SIPA1L1: variants seen among roughly 807,000 people sequenced by gnomAD.
The protein encoded by SIPA1L1 is signal induced proliferation associated 1 like 1.
SIPA1L1 carries 26 observed loss-of-function variants against 162.7 expected under a neutral mutation model. That is an observed-to-expected ratio of 0.16 (90% CI 0.12 to 0.22). The LOEUF is 0.22. Among genes scored for constraint, SIPA1L1 ranks in the 10% least tolerant of loss-of-function variants. The probability of loss-of-function intolerance (pLI) is 1.00; values close to 1 mark genes in which losing one functional copy is unlikely to be tolerated. For synonymous variants in SIPA1L1, 829 were observed against 837.4 expected, an observed-to-expected ratio of 0.99 and a Z score of 0.17; for missense variants, 1,874 against 2,241.0, an observed-to-expected ratio of 0.84 and a Z score of 3.31.
At chr14:71,543,821 G>A (rs1369409338) in intron 4 of SIPA1L1, among the ~76,000 whole-genome samples, 1 of 145,444 alleles carries the variant, frequency 6.9e-6, no homozygotes, top group African/African-American at 2.5e-5. Context: ...ATATGTATGT[G>A]TATATATACA....
At position 71,406,437 on chromosome 14, in the gene SIPA1L1, TG is replaced by T. The variant is rs569131261; in HGVS notation, c.-465+85260del. 7.9e-4 allele frequency among the ~76,000 whole-genome samples: 121 copies of T among 152,278 alleles called. 1 individual carries two copies. Among genetic ancestry groups the T allele is most frequent in the African/African-American group, 2.8e-3 (116 of 41,564 alleles). The stretch of plus-strand genomic sequence containing the variant: ...AAGAATAAGAATAATTTTTATGACT[TG>T]GGGTCAAAGAACCATTGGGATGTGC... On this transcript the variant is annotated intron_variant, in intron 2 of 23. Transcript: ENST00000381232.
chr14:71,522,129 TCTTA>T (rs1326258320), intron 3 of SIPA1L1, among the ~76,000 whole-genome samples: 1 of 152,236 alleles, frequency 6.6e-6, no homozygotes, highest in African/African-American at 2.4e-5. Flanking sequence ...TAGTTCTCTC[TCTTA>T]GTTTATTGAA....
intron 2 of SIPA1L1, among the ~76,000 whole-genome samples, chr14:71,364,096 T>G (rs2038058780): frequency 1.3e-5 from 2 of 152,202 alleles, no homozygotes; most frequent in Non-Finnish European, 1.5e-5. Flanking sequence ...GTATTAGAAG[T>G]ATTAAAATGG....
At chr14:71,544,176 CGTGTGTGTATATATACATATGCAT>C (rs1160361746) in intron 4 of SIPA1L1, among the ~76,000 whole-genome samples, 5 of 150,040 alleles carry the variant, frequency 3.3e-5, no homozygotes, top group Admixed American at 2.0e-4. Flanking sequence ...CATATATGCA[CGTGTGTGTATATATACATATGCAT>C]GTATGCACAT....
intron 2 of SIPA1L1, among the ~76,000 whole-genome samples, chr14:71,487,801 T>G (rs1273212250): frequency 6.6e-6 from 1 of 152,220 alleles, no homozygotes; most frequent in African/African-American, 2.4e-5. Flanking sequence ...CTATAATTAT[T>G]TGTCATTGGA....
At chr14:71,436,255 A>G (rs1393395942) in intron 2 of SIPA1L1, among the ~76,000 whole-genome samples, 5 of 152,016 alleles carry the variant, frequency 3.3e-5, no homozygotes, top group Non-Finnish European at 7.4e-5. Context: ...GTTTATGGTA[A>G]TTTTTGCTAT....
chr14:71,444,433 C>T (rs1320377535), intron 2 of SIPA1L1, among the ~76,000 whole-genome samples: 2 of 152,142 alleles, frequency 1.3e-5, no homozygotes, highest in Non-Finnish European at 2.9e-5. Flanking sequence ...GAAATCAGAG[C>T]AACTTCAGAA....
intron 17 of SIPA1L1, among the ~76,000 whole-genome samples, chr14:71,720,428 A>G (rs2083618458): frequency 6.6e-6 from 1 of 152,100 alleles, no homozygotes; most frequent in Admixed American, 6.6e-5. Flanking sequence ...TAAAAATACA[A>G]AAATTAGCTG....
At chr14:71,333,900 G>A (rs1421569305) in intron 2 of SIPA1L1, among the ~76,000 whole-genome samples, 2 of 152,206 alleles carry the variant, frequency 1.3e-5, no homozygotes, top group African/African-American at 4.8e-5. Context: ...GTGATGAGAA[G>A]TGAGTGGTTT....
At chr14:71,479,825 A>G (rs1167090287) in intron 2 of SIPA1L1, among the ~76,000 whole-genome samples, 2 of 151,100 alleles carry the variant, frequency 1.3e-5, no homozygotes, top group South Asian at 2.1e-4. Context: ...CTCCCATACT[A>G]AAGGTATCCT....
rs558730678 is a variant in SIPA1L1 at position 71,739,059 on chromosome 14, C to T, written c.5250C>T (p.His1750=). The T allele has an allele frequency of 1.5e-5, 25 of 1,614,096 alleles. No homozygotes were observed. The African/African-American group carries it at 2.5e-4, about 16-fold the overall frequency. The change falls in exon 24 of 24, where the codon CAC becomes CAT. Residue 1750 remains histidine (H), a synonymous_variant. Coordinates refer to ENST00000381232, the MANE Select transcript of SIPA1L1 (RefSeq NM_001386936.1). ...CTCACCTTCAGGCGGAGGTGCAGCA[C>T]CTGCGAGAGGACAACCTGAGGCTAC... ...DKAHLQAEVQ[H]LREDNLRLQE...
At chr14:71,432,721 T>C (rs2044087455) in intron 2 of SIPA1L1, among the ~76,000 whole-genome samples, 1 of 152,198 alleles carries the variant, frequency 6.6e-6, no homozygotes, top group Non-Finnish European at 1.5e-5. Context: ...TTTTGGGGTA[T>C]TGTTTTCTGC....
chr14:71,662,618 C>T (rs1429275577), intron 10 of SIPA1L1, among the ~76,000 whole-genome samples: 1 of 152,172 alleles, frequency 6.6e-6, no homozygotes. Flanking sequence ...TGCCGCCTCT[C>T]TTACATGCTG....
Position 71,711,853 on chromosome 14 carries a change from A to T in SIPA1L1, c.4208+2189A>T, listed in dbSNP as rs187894622. Among the ~76,000 whole-genome samples, 53 of 152,362 alleles carry T rather than the reference A, an allele frequency of 3.5e-4. No individual in the cohort carries two copies. In the East Asian group the frequency reaches 5.8e-3, roughly 17 times the overall value. On this transcript the variant is annotated intron_variant, in intron 17 of 23. Transcript: ENST00000381232. ...TTGAAAGTCAAACTTACTAGAGAAG[A>T]GAAGAATGTGGCCATTCAGGGAGGG...
chr14:71,352,886 C>A (rs1011642724), intron 2 of SIPA1L1, among the ~76,000 whole-genome samples: 6 of 152,140 alleles, frequency 3.9e-5, no homozygotes, highest in African/African-American at 1.4e-4. Context: ...TTTAGCTGTT[C>A]CGGTAGTTGT....
chr14:71,387,593 G>A (rs1362000314), intron 2 of SIPA1L1, among the ~76,000 whole-genome samples: 1 of 152,130 alleles, frequency 6.6e-6, no homozygotes, highest in African/African-American at 2.4e-5. Context: ...ATAACAGAAG[G>A]CACATAAAAA....
chr14:71,675,930 T>C (rs531908208), intron 12 of SIPA1L1, among the ~76,000 whole-genome samples: 2 of 152,190 alleles, frequency 1.3e-5, no homozygotes, highest in East Asian at 3.9e-4. Flanking sequence ...ATTTTGAAAA[T>C]GCAGCTTTTA....
intron 10 of SIPA1L1, among the ~76,000 whole-genome samples, chr14:71,662,529 A>G (rs2043618034): frequency 6.6e-6 from 1 of 152,218 alleles, no homozygotes; most frequent in African/African-American, 2.4e-5. Context: ...GCCTCAGGTT[A>G]GCTGGCTAGT....
intron 2 of SIPA1L1, among the ~76,000 whole-genome samples, chr14:71,507,295 C>T (rs528678372): frequency 2.5e-4 from 38 of 151,896 alleles, no homozygotes; most frequent in Non-Finnish European, 3.8e-4. Context: ...TTTTTTTTCC[C>T]GCCTGTTTGT....
Sources: gnomAD v4.1 joint callset for allele counts (sites outside exome capture counted in the v4.1 genomes callset) on GRCh38, gnomAD v4.1.1 for gene constraint, MANE v1.5 for transcripts, NCBI Gene and HGNC (gene_info 2026-07-23, HGNC 2026-07-21) for gene names.